SH3KBP1: variants seen among roughly 807,000 people sequenced by gnomAD.
SH3KBP1 encodes the protein SH3 domain containing kinase binding protein 1, also known as SH3 domain-containing kinase-binding protein 1.
A neutral mutation model predicts 50.1 loss-of-function variants in SH3KBP1; 8 were observed. The ratio of observed to expected loss-of-function variants is 0.16; its 90% CI spans 0.09 to 0.29. The LOEUF (loss-of-function observed/expected upper bound fraction) is 0.29, where lower values mean the gene tolerates loss of function less well. SH3KBP1 is among the 10% of genes least tolerant of loss of function. SH3KBP1 has a pLI of 1.00. For missense variants in SH3KBP1, 377 were observed against 535.2 expected (o/e 0.70, Z 2.92); for synonymous variants, 227 against 218.6 (o/e 1.04, Z -0.34).
intron 2 of SH3KBP1, among the ~76,000 whole-genome samples, chrX:19,830,226 T>C (rs1216721349): frequency 9.1e-6 from 1 of 110,318 alleles, no homozygotes; most frequent in Non-Finnish European, 1.9e-5. Flanking sequence ...GTTGCTCTGG[T>C]TCCAACGACT....
At chrX:19,741,311 C>A (rs1048271513) in intron 3 of SH3KBP1, among the ~76,000 whole-genome samples, 1 of 111,955 alleles carries the variant, frequency 8.9e-6, no homozygotes, top group Admixed American at 9.4e-5. Context: ...AGCATCAGAG[C>A]TAGACCTGTT....
intron 2 of SH3KBP1, among the ~76,000 whole-genome samples, chrX:19,784,723 C>T (rs2066283432): frequency 2.7e-5 from 3 of 111,207 alleles, no homozygotes; most frequent in Admixed American, 1.9e-4. Flanking sequence ...GATTCTCCTG[C>T]CTCAGCCTCC....
intron 3 of SH3KBP1, among the ~76,000 whole-genome samples, chrX:19,745,806 A>G (rs1401519078): frequency 8.9e-6 from 1 of 112,756 alleles, no homozygotes; most frequent in Non-Finnish European, 1.9e-5. Flanking sequence ...AGGTCTCAAA[A>G]GAGAGAAAAC....
chrX:19,795,287 C>T (rs1200834577), intron 2 of SH3KBP1, among the ~76,000 whole-genome samples: 1 of 112,205 alleles, frequency 8.9e-6, no homozygotes, highest in Non-Finnish European at 1.9e-5. Flanking sequence ...GAACAATTTT[C>T]TCTAAAAGTC....
At chrX:19,620,038 T>TA (rs1343240173) in intron 8 of SH3KBP1, among the ~76,000 whole-genome samples, 1 of 112,108 alleles carries the variant, frequency 8.9e-6, no homozygotes, top group Non-Finnish European at 1.9e-5. Flanking sequence ...GCTGAGTTTT[T>TA]ACCTTCATTT....
At chrX:19,754,868 C>A (rs746647827) in intron 2 of SH3KBP1, among the ~76,000 whole-genome samples, 1 of 111,783 alleles carries the variant, frequency 8.9e-6, no homozygotes, top group South Asian at 3.7e-4. Context: ...TAAGAAAATT[C>A]ATGTAGTCCC....
At chrX:19,877,784 G>A (rs2069297956) in intron 1 of SH3KBP1, among the ~76,000 whole-genome samples, 1 of 112,226 alleles carries the variant, frequency 8.9e-6, no homozygotes, top group Non-Finnish European at 1.9e-5. Flanking sequence ...TCATTAATAA[G>A]CATTGAAATG....
intron 12 of SH3KBP1, among the ~76,000 whole-genome samples, chrX:19,587,222 CAAA>C (rs762405835): frequency 2.2e-4 from 8 of 36,746 alleles, no homozygotes; most frequent in Admixed American, 3.5e-4. Flanking sequence ...AACTCTGCCT[CAAA>C]AAAAAAAAAA....
At chrX:19,694,867 G>A in intron 5 of SH3KBP1, 1 of 509,812 alleles carries the variant, frequency 2.0e-6, no homozygotes, top group Non-Finnish European at 3.3e-6. Context: ...TGCAACCCCA[G>A]GTAGTGCTGC....
chrX:19,706,812 C>T (rs2063660902), intron 4 of SH3KBP1, 69 bp downstream of exon 4: 1 of 855,889 alleles, frequency 1.2e-6, no homozygotes, highest in Non-Finnish European at 1.7e-6. Flanking sequence ...AAGGCGTCTT[C>T]ATGGGTGGGT....
chrX:19,545,794 T>A, intron 15 of SH3KBP1, 128 bp downstream of exon 15: 1 of 781,480 alleles, frequency 1.3e-6, no homozygotes, highest in Non-Finnish European at 1.9e-6. Context: ...TTTTGATGAG[T>A]AACAGAATCG....
chrX:19,806,268 G>A (rs1310955516), intron 2 of SH3KBP1, among the ~76,000 whole-genome samples: 3 of 111,860 alleles, frequency 2.7e-5, no homozygotes, highest in Non-Finnish European at 5.6e-5. Context: ...CGTAATCCCA[G>A]CACTTTGGGA....
chrX:19,654,937 T>C (rs2062235510), intron 6 of SH3KBP1, among the ~76,000 whole-genome samples: 1 of 112,053 alleles, frequency 8.9e-6, no homozygotes, highest in South Asian at 3.7e-4. Context: ...AAAGATCTTT[T>C]CAGATCCAAA....
chrX:19,740,258 T>G (rs2064728936), intron 3 of SH3KBP1, among the ~76,000 whole-genome samples: 1 of 111,827 alleles, frequency 8.9e-6, no homozygotes, highest in South Asian at 3.8e-4. Flanking sequence ...GATCAGTTAG[T>G]TTAAAAGACT....
intron 3 of SH3KBP1, among the ~76,000 whole-genome samples, chrX:19,722,882 C>G (rs949991530): frequency 9.1e-6 from 1 of 109,784 alleles, no homozygotes; most frequent in Non-Finnish European, 1.9e-5. Flanking sequence ...TGCCTGTAAT[C>G]CCAGCACTTT....
chrX:19,716,856 G>A (rs1443246312), intron 3 of SH3KBP1, among the ~76,000 whole-genome samples: 2 of 111,213 alleles, frequency 1.8e-5, no homozygotes, highest in Non-Finnish European at 3.8e-5. Flanking sequence ...TTCCACCAAC[G>A]CAAGATGATA....
chrX:19,572,437 T>C (rs1383698570), intron 12 of SH3KBP1, among the ~76,000 whole-genome samples: 2 of 107,201 alleles, frequency 1.9e-5, no homozygotes, highest in Non-Finnish European at 3.8e-5. Flanking sequence ...ACATATATGT[T>C]ATATAGTACA....
intron 2 of SH3KBP1, among the ~76,000 whole-genome samples, chrX:19,762,162 C>T (rs2065453890): frequency 8.9e-6 from 1 of 112,775 alleles, no homozygotes; most frequent in Non-Finnish European, 1.9e-5. Context: ...CGTTCCTGGG[C>T]GTAGGCCGAA....
At chrX:19,631,503 A>T (rs1169715413) in intron 8 of SH3KBP1, among the ~76,000 whole-genome samples, 1 of 94,900 alleles carries the variant, frequency 1.1e-5, no homozygotes, top group East Asian at 2.8e-4. Context: ...CCAGCGTTTT[A>T]AAAAAAAACT....
Sources: gnomAD v4.1 joint callset for allele counts (sites outside exome capture counted in the v4.1 genomes callset) on GRCh38, gnomAD v4.1.1 for gene constraint, MANE v1.5 for transcripts, NCBI Gene and HGNC (gene_info 2026-07-23, HGNC 2026-07-21) for gene names.